The following PLXDC2 variants were observed in gnomAD, a reference collection of about 807,000 sequenced individuals.
PLXDC2 encodes the protein plexin domain containing 2, also known as plexin domain-containing protein 2.
Under a neutral mutation model 68.9 loss-of-function variants are expected in PLXDC2, and 40 were observed. The observed-to-expected ratio is 0.58, with a 90% CI of 0.45 to 0.76. The LOEUF is 0.76. Ranked by LOEUF, PLXDC2 falls within the 30% of genes least tolerant of loss-of-function variation. The pLI is 0.00. For synonymous variants in PLXDC2, 243 were observed against 234.2 expected (o/e 1.04, Z -0.34); for missense variants, 644 against 661.9 (o/e 0.97, Z 0.30).
intron 1 of PLXDC2, among the ~76,000 whole-genome samples, chr10:19,957,087 A>G (rs1834082356): frequency 6.6e-6 from 1 of 152,230 alleles, no homozygotes; most frequent in South Asian, 2.1e-4. Flanking sequence ...TGGAAATTTT[A>G]TAAATCATAA....
At chr10:19,888,595 A>C (rs936250874) in intron 1 of PLXDC2, among the ~76,000 whole-genome samples, 12 of 151,864 alleles carry the variant, frequency 7.9e-5, no homozygotes, top group Admixed American at 4.6e-4. Context: ...AGGGAAGCTC[A>C]CTTGCAGGCG....
chr10:19,967,271 C>T (rs1414433560), intron 1 of PLXDC2, among the ~76,000 whole-genome samples: 4 of 152,108 alleles, frequency 2.6e-5, no homozygotes, highest in Non-Finnish European at 5.9e-5. Context: ...CATTAGCATT[C>T]TCATATTGGG....
At chr10:20,165,265 A>G (rs1305480708) in intron 7 of PLXDC2, among the ~76,000 whole-genome samples, 2 of 152,024 alleles carry the variant, frequency 1.3e-5, no homozygotes, top group Non-Finnish European at 2.9e-5. Flanking sequence ...GCTTTGTGCT[A>G]TCTTTTTTTT....
At chr10:20,081,935 C>T (rs1317450645) in intron 4 of PLXDC2, among the ~76,000 whole-genome samples, 1 of 150,280 alleles carries the variant, frequency 6.7e-6, no homozygotes, top group Admixed American at 6.6e-5. Context: ...GTGCCAGGTA[C>T]TTGGGAGGCT....
chr10:20,273,985 G>C (rs905045336), intron 13 of PLXDC2, among the ~76,000 whole-genome samples: 3 of 148,952 alleles, frequency 2.0e-5, no homozygotes, highest in Non-Finnish European at 4.5e-5. Context: ...GCTGCATTGA[G>C]AGTTGATCAT....
intron 13 of PLXDC2, among the ~76,000 whole-genome samples, chr10:20,274,244 A>G (rs1480342217): frequency 6.6e-6 from 1 of 152,218 alleles, no homozygotes; most frequent in East Asian, 1.9e-4. Context: ...AAAGAAAATA[A>G]TGCACATTAA....
chr10:20,097,178 A>C (rs1277227539), intron 4 of PLXDC2, among the ~76,000 whole-genome samples: 1 of 152,122 alleles, frequency 6.6e-6, no homozygotes, highest in Non-Finnish European at 1.5e-5. Flanking sequence ...ACGCAGTTGA[A>C]GTTAAGAGAT....
intron 4 of PLXDC2, among the ~76,000 whole-genome samples, chr10:20,107,562 C>G (rs985847894): frequency 6.6e-6 from 1 of 152,072 alleles, no homozygotes. Flanking sequence ...TCTGTCTTTA[C>G]GAGACATTGT....
At chr10:19,992,783 C>T (rs1005050456) in intron 1 of PLXDC2, among the ~76,000 whole-genome samples, 2 of 152,100 alleles carry the variant, frequency 1.3e-5, no homozygotes, top group Non-Finnish European at 2.9e-5. Flanking sequence ...ACAGAGTCAC[C>T]ATGATGGGAT....
At chr10:19,997,492 C>G (rs1834862377) in intron 1 of PLXDC2, among the ~76,000 whole-genome samples, 1 of 152,154 alleles carries the variant, frequency 6.6e-6, no homozygotes, top group African/African-American at 2.4e-5. Context: ...AGATGCATGT[C>G]AATTTATGCA....
chr10:20,126,292 AATAC>A lies in PLXDC2; in HGVS notation c.542-16999_542-16996del, dbSNP rs1357740565. Among the ~76,000 whole-genome samples the A allele has an allele frequency of 7.2e-5, 10 of 138,966 alleles. 1 individual carries two copies. Among genetic ancestry groups the A allele is most frequent in the Admixed American group, 5.3e-4 (7 of 13,180 alleles). The allele number at this position is 138,966 out of a possible 152,430, so 91.2% of individuals were successfully genotyped here. ...ATACATATATACATATACGTTATAT[AATAC>A]ATATATACACATACGTTATATAATA... On this transcript the variant is annotated intron_variant, in intron 4 of 13. Transcript: ENST00000377252.
At chr10:20,029,230 T>C (rs534166477) in intron 2 of PLXDC2, among the ~76,000 whole-genome samples, 3 of 152,198 alleles carry the variant, frequency 2.0e-5, no homozygotes, top group Non-Finnish European at 4.4e-5. Flanking sequence ...AGCGGTTATC[T>C]TCTACTGGTT....
Position 20,245,325 on chromosome 10 carries a change from C to G in PLXDC2, c.1313-20C>G, listed in dbSNP as rs763946423. On this transcript the variant is annotated intron_variant, in intron 12 of 13. Transcript: ENST00000377252. ...GAGGGTAAACTCATGAAGGTCCTGA[C>G]AGCTGGGATGTTCTTTCAGCTTCTA... 6.2e-7 allele frequency: 1 copy of G among 1,600,174 alleles called. No individual in the cohort carries two copies. The highest frequency in any genetic ancestry group is 1.1e-5 in the South Asian group (1 of 87,968).
chr10:19,931,952 AGTGTGTGT>A (rs33953625), intron 1 of PLXDC2, among the ~76,000 whole-genome samples: 4 of 149,744 alleles, frequency 2.7e-5, no homozygotes, highest in East Asian at 2.0e-4. Flanking sequence ...TAATTTGGGA[AGTGTGTGT>A]GTGTGTGTGT....
intron 1 of PLXDC2, among the ~76,000 whole-genome samples, chr10:19,966,795 G>A (rs1186703740): frequency 1.5e-5 from 2 of 132,116 alleles, no homozygotes; most frequent in African/African-American, 5.3e-5. Flanking sequence ...GGAAGAGAAC[G>A]GTTCGCGTTA....
chr10:20,032,299 C>A (rs559777366), intron 2 of PLXDC2, among the ~76,000 whole-genome samples: 2 of 152,234 alleles, frequency 1.3e-5, no homozygotes, highest in East Asian at 3.9e-4. Flanking sequence ...CATGGGACAA[C>A]AAGAAAACCA....
At chr10:20,192,383 A>G (rs895794185) in intron 9 of PLXDC2, among the ~76,000 whole-genome samples, 2 of 152,112 alleles carry the variant, frequency 1.3e-5, no homozygotes, top group Non-Finnish European at 2.9e-5. Flanking sequence ...TAAAAGATAC[A>G]TATAAAATTG....
At chr10:20,177,159 A>G in intron 8 of PLXDC2, 65 bp downstream of exon 8, 3 of 1,397,028 alleles carry the variant, frequency 2.1e-6, no homozygotes, top group Non-Finnish European at 2.0e-6. Context: ...GATCTGTTCA[A>G]TAGTTATAAT....
intron 9 of PLXDC2, among the ~76,000 whole-genome samples, chr10:20,199,029 G>A (rs990946327): frequency 4.2e-4 from 64 of 151,996 alleles, no homozygotes; most frequent in African/African-American, 1.5e-3. Flanking sequence ...TATTTATTCT[G>A]TATAGAATTT....
Sources: gnomAD v4.1 joint callset for allele counts (sites outside exome capture counted in the v4.1 genomes callset) on GRCh38, gnomAD v4.1.1 for gene constraint, MANE v1.5 for transcripts, NCBI Gene and HGNC (gene_info 2026-07-23, HGNC 2026-07-21) for gene names.